Variants in PTPRO observed in about 807,000 individuals in gnomAD.
The protein encoded by PTPRO is protein tyrosine phosphatase receptor type O.
A neutral mutation model predicts 145.2 loss-of-function variants in PTPRO; 62 were observed. The ratio of observed to expected loss-of-function variants is 0.43; its 90% CI spans 0.35 to 0.53. The LOEUF (loss-of-function observed/expected upper bound fraction) is 0.53, where lower values mean the gene tolerates loss of function less well. Among genes scored for constraint, PTPRO ranks in the 20% least tolerant of loss-of-function variants. The probability of loss-of-function intolerance (pLI) is 0.01; values close to 1 mark genes in which losing one functional copy is unlikely to be tolerated. For synonymous variants in PTPRO, 565 were observed against 514.7 expected (o/e 1.10, Z -1.32); for missense variants, 1,345 against 1,482.7 (o/e 0.91, Z 1.53).
intron 13 of PTPRO, among the ~76,000 whole-genome samples, chr12:15,547,258 T>C (rs1216744103): frequency 1.3e-5 from 2 of 152,198 alleles, no homozygotes; most frequent in African/African-American, 4.8e-5. Flanking sequence ...GAGAAGGTTA[T>C]TGCTAAAGCT....
intron 12 of PTPRO, among the ~76,000 whole-genome samples, chr12:15,534,675 G>A (rs1943031775): frequency 6.6e-6 from 1 of 152,176 alleles, no homozygotes; most frequent in Non-Finnish European, 1.5e-5. Flanking sequence ...CCAGACAGAG[G>A]GAACAGGCAG....
intron 11 of PTPRO, 122 bp from the exon 12 acceptor site, chr12:15,526,020 C>A: frequency 1.6e-6 from 2 of 1,236,266 alleles, no homozygotes; most frequent in Non-Finnish European, 2.4e-6. Flanking sequence ...ATAATATAAT[C>A]AATTGCAGAC....
intron 19 of PTPRO, among the ~76,000 whole-genome samples, chr12:15,572,448 C>T (rs1482135208): frequency 1.3e-5 from 2 of 152,166 alleles, no homozygotes; most frequent in East Asian, 3.8e-4. Flanking sequence ...AAATTGCTTT[C>T]TCATCTGTTA....
At chr12:15,456,510 A>G (rs1029750458) in intron 1 of PTPRO, among the ~76,000 whole-genome samples, 6 of 152,244 alleles carry the variant, frequency 3.9e-5, no homozygotes, top group African/African-American at 1.2e-4. Context: ...TGGCCTAATA[A>G]GATGAGTTTG....
intron 1 of PTPRO, 67 bp from the exon 2 acceptor site, chr12:15,483,907 A>G: frequency 6.6e-7 from 1 of 1,507,228 alleles, no homozygotes; most frequent in Non-Finnish European, 9.2e-7. Context: ...AAATTATCTT[A>G]GCATAACTTT....
At chr12:15,385,544 T>C (rs948092447) in intron 1 of PTPRO, among the ~76,000 whole-genome samples, 1 of 151,972 alleles carries the variant, frequency 6.6e-6, no homozygotes, top group Admixed American at 6.6e-5. Context: ...GCCGGGCATG[T>C]TGGCTCACAC....
intron 12 of PTPRO, among the ~76,000 whole-genome samples, chr12:15,530,330 TAAC>T (rs1237758492): frequency 6.6e-6 from 1 of 152,084 alleles, no homozygotes; most frequent in Non-Finnish European, 1.5e-5. Flanking sequence ...TCCAACAGAA[TAAC>T]AACAAAGAAA....
chr12:15,329,535 C>G (rs1866547023), intron 1 of PTPRO, among the ~76,000 whole-genome samples: 1 of 152,194 alleles, frequency 6.6e-6, no homozygotes, highest in African/African-American at 2.4e-5. Context: ...GCTGGCCAAT[C>G]TTTCCCCAAT....
intron 1 of PTPRO, among the ~76,000 whole-genome samples, chr12:15,447,780 G>A (rs1330794613): frequency 6.6e-6 from 1 of 152,002 alleles, no homozygotes; most frequent in Non-Finnish European, 1.5e-5. Flanking sequence ...GACAATTATA[G>A]GTACATTGAG....
At position 15,551,402 on chromosome 12, in the gene PTPRO, G is replaced by C. The variant is rs551922092; in HGVS notation, c.2438-149G>C. ...CTAAGTTACAGTTGACCAGGAAGAG[G>C]TCATTGCTGGCTTGGGGAACATGAT... On this transcript the variant is annotated intron_variant, in intron 14 of 26. Coordinates refer to ENST00000281171, the MANE Select transcript of PTPRO (RefSeq NM_030667.3). 65 of 1,012,238 alleles carry C rather than the reference G, an allele frequency of 6.4e-5. No homozygotes were observed. In the African/African-American group the frequency reaches 7.7e-4, roughly 12 times the overall value. 62.7% of individuals were successfully genotyped at this position (1,012,238 alleles called of 1,614,324 possible). A position where few individuals can be genotyped will look rare whatever the true frequency, so the allele number is the denominator to read the frequency against.
chr12:15,459,946 G>C (rs1002786305), intron 1 of PTPRO, among the ~76,000 whole-genome samples: 4 of 152,156 alleles, frequency 2.6e-5, no homozygotes, highest in Non-Finnish European at 5.9e-5. Flanking sequence ...TCAATGTGTA[G>C]CACATGGTTT....
chr12:15,323,632 G>A lies in PTPRO; in HGVS notation c.75+831G>A, dbSNP rs573810083. Among the ~76,000 whole-genome samples the A allele has an allele frequency of 2.6e-5, 4 of 152,272 alleles. 1 individual carries two copies. Among genetic ancestry groups the A allele is most frequent in the African/African-American group, 9.6e-5 (4 of 41,552 alleles). On this transcript the variant is annotated intron_variant, in intron 1 of 26. Transcript: ENST00000281171. The stretch of plus-strand genomic sequence containing the variant: ...GGCGATGTGAAGTTCTGAAGTGATT[G>A]TCTATCACTCATGTCTTCAGTGGAT...
chr12:15,376,580 A>G (rs1220120015), intron 1 of PTPRO, among the ~76,000 whole-genome samples: 1 of 152,194 alleles, frequency 6.6e-6, no homozygotes, highest in Non-Finnish European at 1.5e-5. Context: ...TAATAAAAAT[A>G]CCACAAACTG....
At chr12:15,391,914 C>T (rs1939198590) in intron 1 of PTPRO, among the ~76,000 whole-genome samples, 2 of 152,172 alleles carry the variant, frequency 1.3e-5, no homozygotes, top group Non-Finnish European at 2.9e-5. Context: ...TTAGCTACTC[C>T]AGACAGCACC....
intron 1 of PTPRO, among the ~76,000 whole-genome samples, chr12:15,447,176 C>A (rs190248815): frequency 1.5e-4 from 23 of 152,164 alleles, no homozygotes; most frequent in African/African-American, 5.5e-4. Flanking sequence ...ACTATTATGA[C>A]AAGTGAAATA....
At chr12:15,479,368 T>A (rs762221388) in intron 1 of PTPRO, among the ~76,000 whole-genome samples, 4 of 151,526 alleles carry the variant, frequency 2.6e-5, no homozygotes, top group Non-Finnish European at 5.9e-5. Context: ...GGGGAGGGGG[T>A]CTGCCCTTCA....
intron 1 of PTPRO, among the ~76,000 whole-genome samples, chr12:15,476,064 C>T (rs1309007514): frequency 1.3e-5 from 2 of 151,880 alleles, no homozygotes; most frequent in Admixed American, 6.6e-5. Context: ...GAGAGAAGGG[C>T]GCTATGATAG....
intron 1 of PTPRO, among the ~76,000 whole-genome samples, chr12:15,330,679 TCTATAGTCAGCCC>T (rs1249868526): frequency 1.3e-5 from 2 of 152,184 alleles, no homozygotes; most frequent in Non-Finnish European, 2.9e-5. Context: ...CTCTTCCAGT[TCTATAGTCAGCCC>T]CTCTTACAAG....
At chr12:15,479,653 T>C (rs1591638410) in intron 1 of PTPRO, among the ~76,000 whole-genome samples, 1 of 152,234 alleles carries the variant, frequency 6.6e-6, no homozygotes, top group East Asian at 1.9e-4. Context: ...CTCCAAGTTC[T>C]TGCTCAGATA....
Sources: gnomAD v4.1 joint callset for allele counts (sites outside exome capture counted in the v4.1 genomes callset) on GRCh38, gnomAD v4.1.1 for gene constraint, MANE v1.5 for transcripts, NCBI Gene and HGNC (gene_info 2026-07-23, HGNC 2026-07-21) for gene names.